PLPPR1: variants seen among roughly 807,000 people sequenced by gnomAD.
PLPPR1 encodes phospholipid phosphatase-related protein type 1.
PLPPR1 carries 10 observed loss-of-function variants against 33.1 expected under a neutral mutation model. That is an observed-to-expected ratio of 0.30 (90% CI 0.19 to 0.51). PLPPR1 has a LOEUF of 0.51. Among genes scored for constraint, PLPPR1 ranks in the 20% least tolerant of loss-of-function variants. The probability of loss-of-function intolerance (pLI) is 0.97; values close to 1 mark genes in which losing one functional copy is unlikely to be tolerated. For synonymous variants in PLPPR1, 151 were observed against 151.0 expected (o/e 1.00, Z 0.00); for missense variants, 304 against 408.1 (o/e 0.74, Z 2.20).
chr9:101,056,735 C>G (rs919747079), intron 1 of PLPPR1, among the ~76,000 whole-genome samples: 4 of 152,174 alleles, frequency 2.6e-5, no homozygotes, highest in African/African-American at 9.7e-5. Flanking sequence ...ATCAATTACT[C>G]AACCTTTGAA....
At position 101,105,908 on chromosome 9, in the gene PLPPR1, CTTCT is replaced by C. The variant is rs1163243785; in HGVS notation, c.-46+76809_-46+76812del. On this transcript the variant is annotated intron_variant, in intron 1 of 7. Transcript: ENST00000374874. ...GATCCCTTTACCATTATGTAATGGC[CTTCT>C]TTGTCTCTTTTGATCTTTGTTGGTT... Among the ~76,000 whole-genome samples, 9 of 143,330 alleles carry C rather than the reference CTTCT, an allele frequency of 6.3e-5. No homozygotes were observed. In the East Asian group the frequency reaches 1.1e-3, roughly 17 times the overall value. The allele number at this position is 143,330 out of a possible 152,430, so 94.0% of individuals were successfully genotyped here.
At chr9:101,317,113 G>A (rs1055153413) in intron 6 of PLPPR1, among the ~76,000 whole-genome samples, 1 of 152,192 alleles carries the variant, frequency 6.6e-6, no homozygotes, top group Non-Finnish European at 1.5e-5. Context: ...TTACAAATCT[G>A]TGAAGTGGGT....
intron 3 of PLPPR1, among the ~76,000 whole-genome samples, chr9:101,283,245 A>G (rs933483439): frequency 7.9e-5 from 12 of 152,254 alleles, no homozygotes; most frequent in African/African-American, 2.9e-4. Context: ...ATCTGGAGAC[A>G]TCACACTATC....
intron 1 of PLPPR1, among the ~76,000 whole-genome samples, chr9:101,082,759 T>G (rs573437517): frequency 5.1e-4 from 78 of 152,200 alleles, no homozygotes; most frequent in Non-Finnish European, 7.6e-4. Context: ...TGGGGAGAGA[T>G]AAACCTGGGT....
intron 2 of PLPPR1, among the ~76,000 whole-genome samples, chr9:101,206,728 CA>C (rs1352664106): frequency 6.6e-6 from 1 of 152,086 alleles, no homozygotes; most frequent in African/African-American, 2.4e-5. Context: ...AATGTCTACC[CA>C]TATGTGAGCT....
At chr9:101,056,241 A>G (rs1428555436) in intron 1 of PLPPR1, among the ~76,000 whole-genome samples, 1 of 152,192 alleles carries the variant, frequency 6.6e-6, no homozygotes, top group African/African-American at 2.4e-5. Context: ...TCTGTGACAG[A>G]TGTAAGGCAG....
chr9:101,166,055 C>G (rs1399580578), intron 1 of PLPPR1, among the ~76,000 whole-genome samples: 2 of 152,168 alleles, frequency 1.3e-5, no homozygotes, highest in Non-Finnish European at 2.9e-5. Flanking sequence ...TAAAACCTTT[C>G]TATAATTTAC....
chr9:101,137,489 T>C (rs999895864), intron 1 of PLPPR1, among the ~76,000 whole-genome samples: 1 of 152,074 alleles, frequency 6.6e-6, no homozygotes, highest in African/African-American at 2.4e-5. Context: ...TTGCCTTGGG[T>C]AAATTAGAAA....
chr9:101,309,367 T>C lies in PLPPR1; in HGVS notation c.542T>C (p.Ile181Thr), dbSNP rs1828915173. 2 of 1,613,956 alleles carry C rather than the reference T, an allele frequency of 1.2e-6. No homozygotes were observed. Among genetic ancestry groups the C allele is most frequent in the Non-Finnish European group, 1.7e-6 (2 of 1,180,006 alleles). The change falls in exon 5 of 8, where the codon ATT becomes ACT. Residue 181 changes from isoleucine (I) to threonine (T), a missense_variant. Transcript: ENST00000374874. The part of the protein sequence containing the change: ...AHHQFINNGN[I>T]CTGDLEVIEK... ...CACCAGTTTATAAACAATGGGAACA[T>C]TTGTACTGGGGACCTGGAAGTGATA...
At chr9:101,236,603 C>CT (rs1354233548) in intron 2 of PLPPR1, among the ~76,000 whole-genome samples, 2 of 150,782 alleles carry the variant, frequency 1.3e-5, no homozygotes, top group African/African-American at 4.9e-5. Context: ...AAATGACCAT[C>CT]TTTTTTTTCC....
intron 1 of PLPPR1, among the ~76,000 whole-genome samples, chr9:101,069,845 G>A (rs1830462007): frequency 6.6e-6 from 1 of 152,120 alleles, no homozygotes; most frequent in Non-Finnish European, 1.5e-5. Context: ...GAGAATGGCA[G>A]GCAGTGCTCA....
intron 1 of PLPPR1, among the ~76,000 whole-genome samples, chr9:101,123,617 G>C (rs149414531): frequency 6.6e-6 from 1 of 152,202 alleles, no homozygotes; most frequent in Non-Finnish European, 1.5e-5. Context: ...CAAAGAAATA[G>C]GTGGTGAGAA....
rs1588114294 is a variant in PLPPR1 at position 101,293,265 on chromosome 9, T to A, written c.385+7029T>A. Reference sequence around the variant, plus strand: ...CAAGAAGAGCTAACTATCCTAAATATATATGCACCCAATACAGGACCACCC... The same window carrying A: ...CAAGAAGAGCTAACTATCCTAAATAAATATGCACCCAATACAGGACCACCC... On this transcript the variant is annotated intron_variant, in intron 4 of 7. Transcript: ENST00000374874. Among the ~76,000 whole-genome samples, 3 of 151,640 alleles carry A rather than the reference T, an allele frequency of 2.0e-5. No homozygotes were observed. The East Asian group carries it at 5.8e-4, about 29-fold the overall frequency.
chr9:101,162,148 A>C (rs541610923), intron 1 of PLPPR1, among the ~76,000 whole-genome samples: 1 of 152,274 alleles, frequency 6.6e-6, no homozygotes, highest in Non-Finnish European at 1.5e-5. Context: ...GGACTGGAAG[A>C]AAAGCATAAT....
At chr9:101,174,210 G>A (rs932070534) in intron 1 of PLPPR1, among the ~76,000 whole-genome samples, 2 of 152,110 alleles carry the variant, frequency 1.3e-5, no homozygotes, top group Non-Finnish European at 2.9e-5. Flanking sequence ...GGCTCAAAGT[G>A]CAGAATTCTT....
intron 1 of PLPPR1, among the ~76,000 whole-genome samples, chr9:101,051,074 C>T (rs562195982): frequency 1.3e-5 from 2 of 152,144 alleles, no homozygotes; most frequent in Non-Finnish European, 2.9e-5. Flanking sequence ...ACTTTTCCAG[C>T]GTATCTCACT....
At chr9:101,216,134 C>G (rs1826789909) in intron 2 of PLPPR1, among the ~76,000 whole-genome samples, 1 of 152,156 alleles carries the variant, frequency 6.6e-6, no homozygotes, top group Admixed American at 6.5e-5. Context: ...TTCATTTTCT[C>G]TACATCCTTG....
intron 2 of PLPPR1, among the ~76,000 whole-genome samples, chr9:101,198,671 C>T: frequency 6.6e-6 from 1 of 152,058 alleles, no homozygotes; most frequent in East Asian, 1.9e-4. Context: ...GGAAAGCCAA[C>T]CAGAGGAATT....
chr9:101,108,566 T>G (rs780437154), intron 1 of PLPPR1, among the ~76,000 whole-genome samples: 4 of 152,132 alleles, frequency 2.6e-5, no homozygotes, highest in Non-Finnish European at 5.9e-5. Context: ...ACAACAGGCA[T>G]AGACAAGAAC....
Sources: allele counts gnomAD v4.1 joint callset (sites outside exome capture counted in the v4.1 genomes callset), GRCh38; gene constraint gnomAD v4.1.1; transcripts MANE v1.5; gene names NCBI Gene and HGNC (gene_info 2026-07-23, HGNC 2026-07-21).